Variants in GSTM4 observed in about 807,000 individuals in gnomAD.
GSTM4 encodes the protein GST class-mu 4.
A neutral mutation model predicts 30.1 loss-of-function variants in GSTM4; 27 were observed. The observed-to-expected ratio is 0.90, with a 90% CI of 0.66 to 1.24. The LOEUF (loss-of-function observed/expected upper bound fraction) is 1.24. Ranked by LOEUF, GSTM4 falls within the 50% of genes most tolerant of loss-of-function variation. The pLI is 0.00. For missense variants in GSTM4, 238 were observed against 272.1 expected (o/e 0.87, Z 0.88); for synonymous variants, 94 against 96.2 (o/e 0.98, Z 0.13).
downstream of GSTM4, chr1:109,665,143 C>T (rs1647275392): frequency 2.6e-6 from 2 of 780,050 alleles, no homozygotes; most frequent in Admixed American, 3.6e-5. Flanking sequence ...AATCAGAAGA[C>T]AGCAAAGATT....
At position 109,657,321 on chromosome 1, in the gene GSTM4, G is replaced by A. The variant is rs149398968; in HGVS notation, c.177+42G>A. On this transcript the variant is annotated intron_variant, in intron 3 of 7. Transcript: ENST00000369836. ...GGGCGGTTTTGGGGGAAAGTGCGAC[G>A]TGTCTCTGACTGCATCTCCTCTCCC... 2.4e-3 allele frequency: 3,805 copies of A among 1,603,350 alleles called. 4 individuals carry two copies. The highest frequency in any genetic ancestry group is 2.7e-3 in the Non-Finnish European group (3,203 of 1,171,910).
Position 109,659,118 on chromosome 1 carries a change from C to A in GSTM4, c.567+8C>A, listed in dbSNP as rs760509662. The A allele has an allele frequency of 6.2e-7, 1 of 1,614,156 alleles. No individual in the cohort carries two copies. Among genetic ancestry groups the A allele is most frequent in the South Asian group, 1.1e-5 (1 of 91,068 alleles). ...TTCATCTCCCGCTTTGAGGTGATGC[C>A]CCCATCCTCCTTTCTCTTTGATGCC... On this transcript the variant is annotated splice_region_variant and intron_variant, in intron 7 of 7. Transcript: ENST00000369836.
downstream of GSTM4, chr1:109,665,159 C>A (rs1486240596): frequency 1.3e-6 from 1 of 743,188 alleles, no homozygotes; most frequent in Non-Finnish European, 2.5e-6. Flanking sequence ...AGATTTCCTT[C>A]AGCAATGAAG....
downstream of GSTM4, chr1:109,665,137 A>G: frequency 1.3e-6 from 1 of 793,324 alleles, no homozygotes; most frequent in Non-Finnish European, 2.3e-6. Flanking sequence ...CCTTTGAATC[A>G]GAAGACAGCA....
chr1:109,665,427 C>T (rs1647283934), downstream of GSTM4: 1 of 221,186 alleles, frequency 4.5e-6, no homozygotes, highest in South Asian at 1.1e-4. Context: ...GACTTCTTCA[C>T]TCCAAAATTG....
downstream of GSTM4, among the ~76,000 whole-genome samples, chr1:109,666,226 G>A (rs1480768869): frequency 6.6e-6 from 1 of 152,132 alleles, no homozygotes; most frequent in Non-Finnish European, 1.5e-5. Context: ...AAGTAGCTGG[G>A]ACCACAGGTA....
At chr1:109,665,698 T>G (rs904554450), downstream of GSTM4, among the ~76,000 whole-genome samples, 7 of 152,178 alleles carry the variant, frequency 4.6e-5, no homozygotes, top group African/African-American at 1.7e-4. Flanking sequence ...GGAAAGCACT[T>G]TCTGAGATGC....
In GSTM4 at chr1:109,660,995, A is replaced by G. The variant is rs930343709; in HGVS notation, c.568-170A>G. ...AACATTACTTAAAGGAAGTTGGAAG[A>G]GTTAACTCCGCAAATCTGGGGACCC... is the stretch of plus-strand genomic sequence containing the variant. On this transcript the variant is annotated intron_variant, in intron 7 of 7. Coordinates refer to ENST00000369836, the MANE Select transcript of GSTM4 (RefSeq NM_000850.5). 25 of 711,374 alleles carry G rather than the reference A, an allele frequency of 3.5e-5. No homozygotes were observed. The African/African-American group carries it at 4.0e-4, about 11-fold the overall frequency. 44.1% of individuals were successfully genotyped at this position (711,374 alleles called of 1,614,324 possible).
downstream of GSTM4, chr1:109,665,086 A>G: frequency 9.7e-7 from 1 of 1,029,920 alleles, no homozygotes; most frequent in South Asian, 1.3e-5. Context: ...GATGGCAGGT[A>G]AAATCATTGT....
chr1:109,661,537 A>G lies in GSTM4; in HGVS notation c.*283A>G, dbSNP rs1652321437. On this transcript the variant is annotated 3_prime_UTR_variant, in exon 8 of 8. Coordinates refer to ENST00000369836, the MANE Select transcript of GSTM4 (RefSeq NM_000850.5). ...AGCCAGCCTGACCTTCCTTCCTGTTAGTGGTTGTATCTGCTTTGAAGGGCC... is the reference window on the plus strand; with the variant it reads ...AGCCAGCCTGACCTTCCTTCCTGTTGGTGGTTGTATCTGCTTTGAAGGGCC... 3 of 1,318,692 alleles carry G rather than the reference A, an allele frequency of 2.3e-6. No individual in the cohort carries two copies. 81.7% of individuals were successfully genotyped at this position (1,318,692 alleles called of 1,614,324 possible). A position where few individuals can be genotyped will look rare whatever the true frequency, so the allele number is the denominator to read the frequency against.
In GSTM4 at chr1:109,661,546, A is replaced by G. The variant is rs12031717; in HGVS notation, c.*292A>G. ...GACCTTCCTTCCTGTTAGTGGTTGT[A>G]TCTGCTTTGAAGGGCCTACCTGGCC... On this transcript the variant is annotated 3_prime_UTR_variant, in exon 8 of 8. Coordinates refer to ENST00000369836, the MANE Select transcript of GSTM4 (RefSeq NM_000850.5). 0.016 allele frequency: 20,447 copies of G among 1,308,208 alleles called. 2,318 individuals are homozygous for G. The African/African-American group carries it at 0.26, about 16-fold the overall frequency. The allele number at this position is 1,308,208 out of a possible 1,614,324, so 81.0% of individuals were successfully genotyped here.
rs1479254721 is a variant in GSTM4, at chr1:109,657,460, A to G, written c.178-130A>G. ...CCAGCTCATTTGTTCATGTGACAGT[A>G]TTTCTATGTCAGGCCTGCCATGAGC... On this transcript the variant is annotated intron_variant, in intron 3 of 7. Transcript: ENST00000369836. The G allele has an allele frequency of 2.7e-6, 4 of 1,461,726 alleles. No individual in the cohort carries two copies. The African/African-American group carries it at 4.2e-5, about 15-fold the overall frequency. 90.5% of individuals were successfully genotyped at this position (1,461,726 alleles called of 1,614,324 possible). A position where few individuals can be genotyped will look rare whatever the true frequency, so the allele number is the denominator to read the frequency against.
chr1:109,665,724 A>G (rs969259303), downstream of GSTM4, among the ~76,000 whole-genome samples: 2 of 152,184 alleles, frequency 1.3e-5, no homozygotes, highest in African/African-American at 4.8e-5. Flanking sequence ...AGTAAACTCC[A>G]AGGAGATTTT....
downstream of GSTM4, among the ~76,000 whole-genome samples, chr1:109,666,242 C>T (rs1197150176): frequency 6.6e-6 from 1 of 152,126 alleles, no homozygotes; most frequent in Non-Finnish European, 1.5e-5. Context: ...AGGTAAAGGG[C>T]CACCATGGCC....
chr1:109,663,406 G>A (rs564496509), downstream of GSTM4, among the ~76,000 whole-genome samples: 2 of 152,284 alleles, frequency 1.3e-5, no homozygotes, highest in East Asian at 1.9e-4. Context: ...GGTGGCTCAC[G>A]TCTATAATCC....
chr1:109,656,585 T>TGC lies in GSTM4; in HGVS notation c.37-126_37-125insCG, dbSNP rs1254602992. ...GTGTGTGTGTGTGTGTGTGTGTGTG[T>TGC]GTGTGCGTGCGCCGGGGTGGGGGGG... On this transcript the variant is annotated intron_variant, in intron 1 of 7. Coordinates refer to ENST00000369836, the MANE Select transcript of GSTM4 (RefSeq NM_000850.5). 2.0e-5 allele frequency: 13 copies of TGC among 636,100 alleles called. No individual in the cohort carries two copies. The African/African-American group carries it at 4.0e-4, about 19-fold the overall frequency. 39.4% of individuals were successfully genotyped at this position (636,100 alleles called of 1,614,324 possible).
intron 2 of GSTM4, 129 bp downstream of exon 2, chr1:109,656,916 C>A: frequency 2.0e-6 from 2 of 1,009,166 alleles, no homozygotes; most frequent in South Asian, 1.3e-5. Context: ...CTTCCCTGAG[C>A]CCCGGTGAGG....
At chr1:109,659,401 G>A (rs1652196923) in intron 7 of GSTM4, 5 of 1,439,050 alleles carry the variant, frequency 3.5e-6, no homozygotes, top group South Asian at 1.5e-5. Flanking sequence ...TGGGCTCCCT[G>A]TGAGCATCTG....
At position 109,656,149 on chromosome 1, in the gene GSTM4, T is replaced by C. The variant is rs1242114720; in HGVS notation, c.-241T>C. The C allele has an allele frequency of 5.8e-6, 3 of 514,912 alleles. No individual in the cohort carries two copies. In the Admixed American group the frequency reaches 9.6e-5, roughly 16 times the overall value. The allele number at this position is 514,912 out of a possible 1,614,324, so 31.9% of individuals were successfully genotyped here. ...GAACACTCGGAGGTGGCGGTGGATCTTACTCCTTCCAGCCAGTGAGGATCC... is the reference window on the plus strand; with the variant it reads ...GAACACTCGGAGGTGGCGGTGGATCCTACTCCTTCCAGCCAGTGAGGATCC... On this transcript the variant is annotated 5_prime_UTR_variant, in exon 1 of 8. Transcript: ENST00000369836.
Sources: gnomAD v4.1 joint callset for allele counts (sites outside exome capture counted in the v4.1 genomes callset) on GRCh38, gnomAD v4.1.1 for gene constraint, MANE v1.5 for transcripts, NCBI Gene and HGNC (gene_info 2026-07-23, HGNC 2026-07-21) for gene names.